GFRA1: variants seen among roughly 807,000 people sequenced by gnomAD.
The protein encoded by GFRA1 is GDNF family receptor alpha 1.
Under a neutral mutation model 51.6 loss-of-function variants are expected in GFRA1, and 16 were observed. The ratio of observed to expected loss-of-function variants is 0.31; its 90% CI spans 0.21 to 0.47. The LOEUF (loss-of-function observed/expected upper bound fraction) is 0.47, where lower values mean the gene tolerates loss of function less well. GFRA1 is among the 20% of genes least tolerant of loss of function. GFRA1 has a pLI of 1.00. For synonymous variants in GFRA1, 270 were observed against 241.3 expected (o/e 1.12, Z -1.10); for missense variants, 530 against 594.3 (o/e 0.89, Z 1.13).
chr10:116,270,436 G>A (rs188983499), intron 3 of GFRA1, among the ~76,000 whole-genome samples: 1 of 152,334 alleles, frequency 6.6e-6, no homozygotes, highest in East Asian at 1.9e-4. Context: ...GTCCAGACCA[G>A]ATGCAGGGCA....
chr10:116,212,365 CA>C (rs1337166420), intron 4 of GFRA1, among the ~76,000 whole-genome samples: 7 of 151,836 alleles, frequency 4.6e-5, no homozygotes, highest in African/African-American at 1.5e-4. Context: ...ACTAAAAATA[CA>C]AAAATTAGCC....
In GFRA1 at chr10:116,138,644, C is replaced by A. The variant is rs561264730; in HGVS notation, c.434-13087G>T. 4.1e-5 allele frequency among the ~76,000 whole-genome samples: 6 copies of A among 145,838 alleles called. No individual in the cohort carries two copies. The East Asian group carries it at 1.0e-3, about 25-fold the overall frequency. ...AAGCAAGATGGTAGGAACCCCCCCC[C>A]GACCCACCCAACACACACCTTCACA... On this transcript the variant is annotated intron_variant, in intron 5 of 10. Transcript: ENST00000355422.
chr10:116,256,217 G>A lies in GFRA1; in HGVS notation c.418+13286C>T, dbSNP rs536888152. 2.0e-5 allele frequency among the ~76,000 whole-genome samples: 3 copies of A among 152,252 alleles called. No individual in the cohort carries two copies. The East Asian group carries it at 5.8e-4, about 29-fold the overall frequency. On this transcript the variant is annotated intron_variant, in intron 4 of 10. Coordinates refer to ENST00000355422, the MANE Select transcript of GFRA1 (RefSeq NM_005264.8). The stretch of plus-strand genomic sequence containing the variant: ...GTGGTCTCACAGCTACTAAGTGCTG[G>A]AACATGGAATTCAAACCCAAGTGTG...
intron 5 of GFRA1, among the ~76,000 whole-genome samples, chr10:116,153,496 G>A (rs535605918): frequency 9.8e-5 from 15 of 152,332 alleles, no homozygotes; most frequent in African/African-American, 3.6e-4. Context: ...GTTCCTGACA[G>A]GTTGAGTGCT....
chr10:116,147,665 A>G (rs1297354190), intron 5 of GFRA1, among the ~76,000 whole-genome samples: 1 of 152,198 alleles, frequency 6.6e-6, no homozygotes, highest in East Asian at 1.9e-4. Context: ...TTTGTAGAAC[A>G]CTTCAACAGC....
intron 5 of GFRA1, among the ~76,000 whole-genome samples, chr10:116,210,403 C>T (rs1370561489): frequency 6.6e-6 from 1 of 152,108 alleles, no homozygotes. Context: ...GCCCCACTGA[C>T]CCCCCAGTTT....
chr10:116,088,278 T>G (rs1427010084), intron 9 of GFRA1, among the ~76,000 whole-genome samples: 2 of 106,690 alleles, frequency 1.9e-5, no homozygotes, highest in African/African-American at 7.7e-5. Context: ...AGAATTCTAG[T>G]GAGGCTGACC....
At position 116,063,830 on chromosome 10, in the gene GFRA1, G is replaced by C. The variant is rs1200196719; in HGVS notation, c.*568C>G. 1.9e-5 allele frequency: 3 copies of C among 159,228 alleles called. No homozygotes were observed. The highest frequency in any genetic ancestry group is 4.1e-5 in the Non-Finnish European group (3 of 72,298). The allele number at this position is 159,228 out of a possible 1,614,324, so 9.9% of individuals were successfully genotyped here. ...ATAAACATCAGCGTGGAAAATGCTA[G>C]TACATATATAAAGGTGAACATCAGT... On this transcript the variant is annotated 3_prime_UTR_variant, in exon 11 of 11. Transcript: ENST00000355422.
At position 116,208,847 on chromosome 10, in the gene GFRA1, C is replaced by A. The variant is rs185845817; in HGVS notation, c.433+2784G>T. Among the ~76,000 whole-genome samples, 39 of 152,284 alleles carry A rather than the reference C, an allele frequency of 2.6e-4. No individual in the cohort carries two copies. In the South Asian group the frequency reaches 4.8e-3, roughly 19 times the overall value. On this transcript the variant is annotated intron_variant, in intron 5 of 10. Coordinates refer to ENST00000355422, the MANE Select transcript of GFRA1 (RefSeq NM_005264.8). ...TTAGTAAATGATTGGTATTAAAGTA[C>A]CCTAAAACTCATGACCCTAGACACA...
intron 5 of GFRA1, among the ~76,000 whole-genome samples, chr10:116,190,740 T>C (rs1963179684): frequency 6.6e-6 from 1 of 152,220 alleles, no homozygotes; most frequent in Admixed American, 6.5e-5. Context: ...AGACGAAAGC[T>C]AGATCTGTCT....
chr10:116,064,390 T>C lies in GFRA1; in HGVS notation c.*8A>G, dbSNP rs754612066. ...TTTACATGTCCATATTGTATTTTTT[T>C]AATGCAGCTATGATGTTTCTGTTAA... On this transcript the variant is annotated 3_prime_UTR_variant, in exon 11 of 11. Transcript: ENST00000355422. The C allele has an allele frequency of 1.9e-6, 3 of 1,611,350 alleles. No individual in the cohort carries two copies. Among genetic ancestry groups the C allele is most frequent in the Non-Finnish European group, 2.5e-6 (3 of 1,179,050 alleles).
At chr10:116,104,814 T>C (rs1224414194) in intron 6 of GFRA1, among the ~76,000 whole-genome samples, 1 of 152,212 alleles carries the variant, frequency 6.6e-6, no homozygotes, top group Non-Finnish European at 1.5e-5. Context: ...AAGCAAGTCA[T>C]GGTAGTTGGC....
Position 116,064,359 on chromosome 10 carries a change from T to C in GFRA1, c.*39A>G. The C allele has an allele frequency of 6.3e-7, 1 of 1,585,690 alleles. No homozygotes were observed. Among genetic ancestry groups the C allele is most frequent in the South Asian group, 1.1e-5 (1 of 90,012 alleles). On this transcript the variant is annotated 3_prime_UTR_variant, in exon 11 of 11. Transcript: ENST00000355422. ...AACAGGAAACAGATAACTTGGTTTT[T>C]GTCTTTTTACATGTCCATATTGTAT...
intron 5 of GFRA1, among the ~76,000 whole-genome samples, chr10:116,193,727 C>T (rs1468979991): frequency 6.6e-6 from 1 of 152,156 alleles, no homozygotes; most frequent in Non-Finnish European, 1.5e-5. Context: ...TGTGCCAGCC[C>T]TGGACCTGAG....
At chr10:116,131,926 G>T (rs1958121440) in intron 5 of GFRA1, among the ~76,000 whole-genome samples, 1 of 144,610 alleles carries the variant, frequency 6.9e-6, no homozygotes, top group South Asian at 2.2e-4. Context: ...AAAAAAAAAG[G>T]CCAGGCACAG....
At chr10:116,240,187 A>G (rs890437683) in intron 4 of GFRA1, among the ~76,000 whole-genome samples, 4 of 152,080 alleles carry the variant, frequency 2.6e-5, no homozygotes, top group Admixed American at 2.6e-4. Flanking sequence ...AATCCTCAGG[A>G]CAAAGCCCCC....
At chr10:116,122,606 T>A (rs1219869056) in intron 6 of GFRA1, among the ~76,000 whole-genome samples, 2 of 152,122 alleles carry the variant, frequency 1.3e-5, no homozygotes, top group African/African-American at 2.4e-5. Context: ...TCACCAACCC[T>A]CAAAGGATAC....
At position 116,065,556 on chromosome 10, in the gene GFRA1, A is replaced by G; in HGVS notation, c.1251+17T>C. On this transcript the variant is annotated intron_variant, in intron 10 of 10. Transcript: ENST00000355422. ...GTTTCTATAAATGCACGAAGCCTCCAAAAGAAACATACTTACATTGGAAAT... is the reference window on the plus strand; with the variant it reads ...GTTTCTATAAATGCACGAAGCCTCCGAAAGAAACATACTTACATTGGAAAT... The G allele has an allele frequency of 6.2e-7, 1 of 1,605,850 alleles. No individual in the cohort carries two copies. Among genetic ancestry groups the G allele is most frequent in the Non-Finnish European group, 8.5e-7 (1 of 1,172,572 alleles).
At position 116,233,444 on chromosome 10, in the gene GFRA1, C is replaced by T. The variant is rs1966808648; in HGVS notation, c.419-21799G>A. Among the ~76,000 whole-genome samples, 4 of 152,110 alleles carry T rather than the reference C, an allele frequency of 2.6e-5. No individual in the cohort carries two copies. In the South Asian group the frequency reaches 8.3e-4, roughly 31 times the overall value. ...TTAGGGAGTTCTCAGGATTAATTCCCAGCATCTCAGAGCAATCAAGTTTAT... is the reference window on the plus strand; with the variant it reads ...TTAGGGAGTTCTCAGGATTAATTCCTAGCATCTCAGAGCAATCAAGTTTAT... On this transcript the variant is annotated intron_variant, in intron 4 of 10. Coordinates refer to ENST00000355422, the MANE Select transcript of GFRA1 (RefSeq NM_005264.8).
Sources: allele counts gnomAD v4.1 joint callset (sites outside exome capture counted in the v4.1 genomes callset), GRCh38; gene constraint gnomAD v4.1.1; transcripts MANE v1.5; gene names NCBI Gene and HGNC (gene_info 2026-07-23, HGNC 2026-07-21).